The following ADAM12 variants were observed in gnomAD, a reference collection of about 807,000 sequenced individuals.
The protein encoded by ADAM12 is ADAM metallopeptidase domain 12, also known as disintegrin and metalloproteinase domain-containing protein 12.
ADAM12 carries 70 observed loss-of-function variants against 106.4 expected under a neutral mutation model. That is an observed-to-expected ratio of 0.66 (90% CI 0.54 to 0.80). The LOEUF (loss-of-function observed/expected upper bound fraction) is 0.80, where lower values mean the gene tolerates loss of function less well. Among genes scored for constraint, ADAM12 ranks in the 30% least tolerant of loss-of-function variants. ADAM12 has a pLI of 0.00. For missense variants in ADAM12, 1,010 were observed against 1,171.9 expected, an observed-to-expected ratio of 0.86 and a Z score of 2.02; for synonymous variants, 420 against 433.5, an observed-to-expected ratio of 0.97 and a Z score of 0.39.
At chr10:126,265,645 A>C (rs759354212) in intron 3 of ADAM12, among the ~76,000 whole-genome samples, 1 of 152,228 alleles carries the variant, frequency 6.6e-6, no homozygotes, top group South Asian at 2.1e-4. Context: ...TAAACAGAAA[A>C]CACAGGGCCC....
intron 1 of ADAM12, among the ~76,000 whole-genome samples, chr10:126,345,329 T>C (rs944459319): frequency 5.9e-5 from 9 of 152,356 alleles, no homozygotes; most frequent in African/African-American, 2.2e-4. Flanking sequence ...ATTACATTTA[T>C]TGATTTGCGT....
chr10:126,297,312 G>A (rs1226157037), intron 2 of ADAM12, among the ~76,000 whole-genome samples: 2 of 152,188 alleles, frequency 1.3e-5, no homozygotes, highest in Non-Finnish European at 2.9e-5. Flanking sequence ...GGAGGCCAAG[G>A]CAGGAGGATC....
intron 2 of ADAM12, 69 bp from the exon 3 acceptor site, chr10:126,279,057 C>T: frequency 8.4e-7 from 1 of 1,186,892 alleles, no homozygotes; most frequent in East Asian, 2.4e-5. Flanking sequence ...TGAATAAGAC[C>T]CACAGGCGTA....
At chr10:126,019,488 C>T (rs894163026) in intron 22 of ADAM12, among the ~76,000 whole-genome samples, 1 of 152,192 alleles carries the variant, frequency 6.6e-6, no homozygotes, top group Non-Finnish European at 1.5e-5. Context: ...TGTTGATAGG[C>T]ACTGTGTGCC....
Position 126,177,899 on chromosome 10 carries a change from C to G in ADAM12, c.261-22594G>C, listed in dbSNP as rs959219224. Among the ~76,000 whole-genome samples the G allele has an allele frequency of 2.4e-4, 36 of 152,196 alleles. 1 individual carries two copies. The highest frequency in any genetic ancestry group is 5.9e-5 in the Non-Finnish European group (4 of 68,036). ...TTTGAATGGAGGTAGCTGGAGCGAG[C>G]AACGTGTCACTCAAGCCTCTGGCAT... is the stretch of plus-strand genomic sequence containing the variant. On this transcript the variant is annotated intron_variant, in intron 3 of 22. Transcript: ENST00000448723.
chr10:126,164,601 G>T (rs1956992976), intron 3 of ADAM12, among the ~76,000 whole-genome samples: 1 of 152,192 alleles, frequency 6.6e-6, no homozygotes, highest in East Asian at 1.9e-4. Context: ...TAAAAATCAT[G>T]ATCAGGATTT....
chr10:126,373,458 CTGAG>C (rs927582875), intron 1 of ADAM12, among the ~76,000 whole-genome samples: 1 of 152,198 alleles, frequency 6.6e-6, no homozygotes, highest in African/African-American at 2.4e-5. Context: ...ACTTTTCTGA[CTGAG>C]TGTTTGGAGT....
chr10:126,388,258 G>A lies in ADAM12; in HGVS notation c.-113C>T, dbSNP rs991898943. ...GCGACCGGAGGGATTTCCTGCCTCG[G>A]CGAGTCAGCTCCGGAGCCCTCGCGC... On this transcript the variant is annotated 5_prime_UTR_variant, in exon 1 of 23. Transcript: ENST00000448723. This position sits in a 1 kb window ranked among gnomAD's most constrained non-coding sequence, Gnocchi z 4.4. 1.1e-5 allele frequency: 13 copies of A among 1,175,646 alleles called. No homozygotes were observed. Among genetic ancestry groups the A allele is most frequent in the African/African-American group, 8.0e-5 (5 of 62,196 alleles). The allele number at this position is 1,175,646 out of a possible 1,614,324, so 72.8% of individuals were successfully genotyped here. A position where few individuals can be genotyped will look rare whatever the true frequency, so the allele number is the denominator to read the frequency against.
At chr10:126,264,630 G>T (rs1345813292) in intron 3 of ADAM12, among the ~76,000 whole-genome samples, 1 of 152,186 alleles carries the variant, frequency 6.6e-6, no homozygotes, top group Non-Finnish European at 1.5e-5. Flanking sequence ...AAGAAGTAGG[G>T]TTAGCCTCTG....
chr10:126,169,344 A>G (rs140125423), intron 3 of ADAM12, among the ~76,000 whole-genome samples: 1 of 152,302 alleles, frequency 6.6e-6, no homozygotes, highest in East Asian at 1.9e-4. Context: ...CCTTGAGCAC[A>G]TAGTGCCATT....
At chr10:126,117,762 G>GGGA (rs750450471) in intron 6 of ADAM12, among the ~76,000 whole-genome samples, 1 of 129,054 alleles carries the variant, frequency 7.7e-6, no homozygotes, top group Non-Finnish European at 1.6e-5. Flanking sequence ...AGAAGTTGGG[G>GGGA]GGGCGTAATT....
intron 3 of ADAM12, among the ~76,000 whole-genome samples, chr10:126,187,189 ACTT>A (rs1258260631): frequency 3.3e-5 from 5 of 152,096 alleles, no homozygotes; most frequent in Admixed American, 6.6e-5. Flanking sequence ...AAACTTTCAT[ACTT>A]CTTCTTAAAA....
At chr10:126,109,865 A>G (rs1955838477) in intron 6 of ADAM12, 25 bp from the exon 7 acceptor site, 1 of 1,604,898 alleles carries the variant, frequency 6.2e-7, no homozygotes, top group South Asian at 1.1e-5. Context: ...CATGCACTTA[A>G]TCTCTCTTAA....
chr10:126,177,597 T>A (rs967510056), intron 3 of ADAM12, among the ~76,000 whole-genome samples: 2 of 152,216 alleles, frequency 1.3e-5, no homozygotes, highest in Admixed American at 1.3e-4. Flanking sequence ...AGGAATAGAT[T>A]TTGTTTTGCT....
rs891677223 is a variant in ADAM12, at chr10:126,064,030, C to T, written c.1609+776G>A. 2.6e-5 allele frequency among the ~76,000 whole-genome samples: 4 copies of T among 152,194 alleles called. No homozygotes were observed. Among genetic ancestry groups the T allele is most frequent in the Admixed American group, 6.5e-5 (1 of 15,286 alleles). The stretch of plus-strand genomic sequence containing the variant: ...AGTAACCCAGGTTCAAATCCTAGCC[C>T]GGAGACCTGGGGAAACTGACATTTG... On this transcript the variant is annotated intron_variant, in intron 14 of 22. Coordinates refer to ENST00000448723, the MANE Select transcript of ADAM12 (RefSeq NM_001288973.2). The surrounding 1 kb of genome is among the most constrained non-coding windows in gnomAD (Gnocchi z 4.4).
intron 11 of ADAM12, among the ~76,000 whole-genome samples, chr10:126,078,404 C>T (rs1477402346): frequency 6.6e-6 from 1 of 152,188 alleles, no homozygotes; most frequent in African/African-American, 2.4e-5. Flanking sequence ...TCCTCTCCAG[C>T]CGTTCTCCAA....
chr10:126,324,535 C>G (rs1193223244), intron 2 of ADAM12, among the ~76,000 whole-genome samples: 1 of 152,162 alleles, frequency 6.6e-6, no homozygotes, highest in Non-Finnish European at 1.5e-5. Context: ...AGGAAGGGAA[C>G]AGGTTCTATC....
At position 126,039,194 on chromosome 10, in the gene ADAM12, G is replaced by C; in HGVS notation, c.2240+100C>G. 3 of 1,413,298 alleles carry C rather than the reference G, an allele frequency of 2.1e-6. No individual in the cohort carries two copies. The Admixed American group carries it at 5.6e-5, about 26-fold the overall frequency. 87.5% of individuals were successfully genotyped at this position (1,413,298 alleles called of 1,614,324 possible). A position where few individuals can be genotyped will look rare whatever the true frequency, so the allele number is the denominator to read the frequency against. ...GATCTCCTGACCTCGTGATCCGCCCGCCTCAGCCTCCCAAAGTGCTGGGAT... is the reference window on the plus strand; with the variant it reads ...GATCTCCTGACCTCGTGATCCGCCCCCCTCAGCCTCCCAAAGTGCTGGGAT... On this transcript the variant is annotated intron_variant, in intron 19 of 22. Coordinates refer to ENST00000448723, the MANE Select transcript of ADAM12 (RefSeq NM_001288973.2).
intron 9 of ADAM12, among the ~76,000 whole-genome samples, chr10:126,098,847 T>A (rs998936889): frequency 2.0e-5 from 3 of 152,206 alleles, no homozygotes; most frequent in Admixed American, 6.5e-5. Context: ...TCACAGAGAA[T>A]CACTGTTAAC....
Sources: allele counts gnomAD v4.1 joint callset (sites outside exome capture counted in the v4.1 genomes callset), GRCh38; gene constraint gnomAD v4.1.1; non-coding constraint Gnocchi (gnomAD v3.1); transcripts MANE v1.5; gene names NCBI Gene and HGNC (gene_info 2026-07-23, HGNC 2026-07-21).